Variants in XKR9 observed in about 807,000 individuals in gnomAD.
XKR9 encodes the protein XK-related protein 9.
In XKR9, 32 loss-of-function variants were observed where a neutral mutation model predicts 32.0. The observed-to-expected ratio is 1.00, with a 90% CI of 0.76 to 1.34. The LOEUF is 1.34. Ranked by LOEUF, XKR9 falls within the 40% of genes most tolerant of loss-of-function variation. The probability of loss-of-function intolerance (pLI) is 0.00; values close to 1 mark genes in which losing one functional copy is unlikely to be tolerated. For synonymous variants in XKR9, 168 were observed against 143.4 expected, an observed-to-expected ratio of 1.17 and a Z score of -1.22; for missense variants, 546 against 429.7, an observed-to-expected ratio of 1.27 and a Z score of -2.39.
chr8:71,034,416 C>T, the XKR9 span, among the ~76,000 whole-genome samples: 3 of 152,304 alleles, frequency 2.0e-5, no homozygotes, highest in South Asian at 2.1e-4. Flanking sequence ...AGCTGTGAGT[C>T]GATTAAACCT....
At chr8:70,918,099 A>C in the XKR9 span, among the ~76,000 whole-genome samples, 1 of 152,208 alleles carries the variant, frequency 6.6e-6, no homozygotes, top group Admixed American at 6.5e-5. Flanking sequence ...TCTGCTTCAA[A>C]AGTTTTACAT....
At chr8:70,750,177 T>C (rs1337718277) in intron 2 of XKR9, among the ~76,000 whole-genome samples, 1 of 152,252 alleles carries the variant, frequency 6.6e-6, no homozygotes, top group African/African-American at 2.4e-5. Context: ...AGTTTTGTTT[T>C]GTGTCTGGCA....
At chr8:70,990,505 A>T in the XKR9 span, among the ~76,000 whole-genome samples, 1 of 152,242 alleles carries the variant, frequency 6.6e-6, no homozygotes, top group Non-Finnish European at 1.5e-5. Flanking sequence ...AATCCATAAA[A>T]GCACAGTTAT....
chr8:70,679,839 A>G (rs1819015660), intron 2 of XKR9, among the ~76,000 whole-genome samples: 1 of 152,202 alleles, frequency 6.6e-6, no homozygotes, highest in African/African-American at 2.4e-5. Context: ...GGCGTTTTAT[A>G]TACAACATTT....
chr8:70,861,389 G>A, the XKR9 span, among the ~76,000 whole-genome samples: 5 of 152,124 alleles, frequency 3.3e-5, no homozygotes, highest in East Asian at 1.9e-4. Flanking sequence ...GGTGGCTCAC[G>A]CTTGTAATCC....
Position 70,707,019 on chromosome 8 carries a change from T to A in XKR9, c.359T>A (p.Leu120Gln). ...AACTTCGTGGAAGAACAAATTGATC[T>A]ACATAAAGAAGTTATAGATAGAGTG... ...TSNFVEEQID[L>Q]HKEVIDRVTD... The change falls in exon 4 of 5, where the codon CTA (leucine) becomes CAA (glutamine). Residue 120 changes from leucine to glutamine, a missense_variant. Leu to Gln is a moderately radical substitution (Grantham distance 113). Coordinates refer to ENST00000408926, the MANE Select transcript of XKR9 (RefSeq NM_001011720.2). 6.2e-7 allele frequency: 1 copy of A among 1,613,418 alleles called. No homozygotes were observed.
At chr8:70,960,278 TTAGAG>T in the XKR9 span, among the ~76,000 whole-genome samples, 41 of 152,090 alleles carry the variant, frequency 2.7e-4, no homozygotes, top group South Asian at 6.4e-3. Flanking sequence ...TGCTTAGGAG[TTAGAG>T]TAGAGGCAAA....
chr8:70,762,432 C>A (rs1807321335), intron 2 of XKR9, among the ~76,000 whole-genome samples: 1 of 152,158 alleles, frequency 6.6e-6, no homozygotes, highest in Non-Finnish European at 1.5e-5. Context: ...CTGAGCTCCA[C>A]CTTCTGTCCC....
At chr8:70,792,140 C>T (rs1408547427), downstream of XKR9, among the ~76,000 whole-genome samples, 1 of 152,130 alleles carries the variant, frequency 6.6e-6, no homozygotes, top group Non-Finnish European at 1.5e-5. Flanking sequence ...AATTTTGGAA[C>T]ACTAATCATG....
At chr8:70,886,186 C>T in the XKR9 span, among the ~76,000 whole-genome samples, 28 of 152,152 alleles carry the variant, frequency 1.8e-4, no homozygotes, top group Non-Finnish European at 2.8e-4. Context: ...TGATCGTTTC[C>T]AGCTTCATCC....
intron 4 of XKR9, among the ~76,000 whole-genome samples, chr8:70,723,933 G>A (rs144359736): frequency 3.6e-4 from 55 of 150,800 alleles, no homozygotes; most frequent in African/African-American, 1.3e-3. Flanking sequence ...TGGCCCAGGC[G>A]GGAGTGCAGT....
chr8:70,855,535 G>A, the XKR9 span, among the ~76,000 whole-genome samples: 1 of 140,712 alleles, frequency 7.1e-6, no homozygotes, highest in Non-Finnish European at 1.6e-5. Flanking sequence ...AGAATGGAAC[G>A]AAGTTGCAAA....
downstream of XKR9, among the ~76,000 whole-genome samples, chr8:70,791,402 GA>G (rs1807762618): frequency 6.6e-6 from 1 of 152,016 alleles, no homozygotes; most frequent in Non-Finnish European, 1.5e-5. Flanking sequence ...AATATGATTT[GA>G]ATGTTTATCT....
At chr8:70,774,055 C>G (rs1254483624) in intron 2 of XKR9, among the ~76,000 whole-genome samples, 1 of 152,092 alleles carries the variant, frequency 6.6e-6, no homozygotes, top group African/African-American at 2.4e-5. Flanking sequence ...GGTCATACTT[C>G]AGAACAAAGA....
chr8:70,755,728 G>A (rs1273390089), intron 2 of XKR9, among the ~76,000 whole-genome samples: 1 of 135,680 alleles, frequency 7.4e-6, no homozygotes, highest in African/African-American at 2.7e-5. Context: ...ATGGACACGG[G>A]AAGGGGAACA....
the XKR9 span, among the ~76,000 whole-genome samples, chr8:70,982,283 G>T: frequency 6.6e-6 from 1 of 152,188 alleles, no homozygotes; most frequent in Non-Finnish European, 1.5e-5. Context: ...GGCTGCCAGC[G>T]TGAGTAGAGA....
At chr8:70,819,781 C>A in the XKR9 span, among the ~76,000 whole-genome samples, 1 of 152,084 alleles carries the variant, frequency 6.6e-6, no homozygotes, top group Non-Finnish European at 1.5e-5. Context: ...ATTTTCAAAC[C>A]ATTAGTTAAT....
chr8:70,789,198 G>C (rs1247382289), intron 2 of XKR9: 1 of 151,926 alleles, frequency 6.6e-6, no homozygotes, highest in Non-Finnish European at 1.5e-5. Context: ...ACTGTGTATA[G>C]TAAGTATAAG....
At chr8:71,038,609 C>A in the XKR9 span, among the ~76,000 whole-genome samples, 17 of 151,332 alleles carry the variant, frequency 1.1e-4, no homozygotes, top group East Asian at 3.3e-3. Context: ...TGAGCCACCG[C>A]GCCTGGCCAA....
Sources: gnomAD v4.1 joint callset for allele counts (sites outside exome capture counted in the v4.1 genomes callset) on GRCh38, gnomAD v4.1.1 for gene constraint, MANE v1.5 for transcripts, NCBI Gene and HGNC (gene_info 2026-07-23, HGNC 2026-07-21) for gene names.